The following TYW5 variants were observed in gnomAD, a reference collection of about 807,000 sequenced individuals.
TYW5 encodes tRNA wybutosine-synthesizing protein 5.
A neutral mutation model predicts 44.4 loss-of-function variants in TYW5; 36 were observed. That is an observed-to-expected ratio of 0.81 (90% confidence interval 0.62 to 1.07). The LOEUF is 1.07. TYW5 is among the 50% of genes least tolerant of loss of function. The pLI is 0.00. For missense variants in TYW5, 354 were observed against 365.7 expected, an observed-to-expected ratio of 0.97 and a Z score of 0.26; for synonymous variants, 121 against 128.1, an observed-to-expected ratio of 0.94 and a Z score of 0.37.
intron 1 of TYW5, among the ~76,000 whole-genome samples, chr2:199,951,465 TTTTA>T (rs1480800657): frequency 6.6e-6 from 1 of 152,222 alleles, no homozygotes; most frequent in Non-Finnish European, 1.5e-5. Context: ...TCCTTGTTGA[TTTTA>T]TTATTATGAC....
rs1004026253 is a variant in TYW5, at chr2:199,933,319, T to G, written c.696A>C (p.Leu232Phe). 2.5e-6 allele frequency: 4 copies of G among 1,594,212 alleles called. No individual in the cohort carries two copies. The highest frequency in any genetic ancestry group is 3.4e-6 in the Non-Finnish European group (4 of 1,172,982). The change falls in exon 8 of 8, where the codon TTA (leucine) becomes TTC (phenylalanine). Residue 232 changes from leucine (L) to phenylalanine (F), a missense_variant. Transcript: ENST00000354611. ...CTTCAGAAATTACATTATGGAACCA[T>G]AAAGCTGGAGAAAGTTTAAAAAACA... Reference protein sequence around the residue: ...EAGDVLFIPALWFHNVISEEF... With the variant: ...EAGDVLFIPAFWFHNVISEEF...
chr2:199,944,090 G>A lies in TYW5; in HGVS notation c.234-256C>T, dbSNP rs1407432194. On this transcript the variant is annotated intron_variant, in intron 2 of 7. Coordinates refer to ENST00000354611, the MANE Select transcript of TYW5 (RefSeq NM_001039693.3). ...TATGATACAGATGAATCTTTCAATA[G>A]ATCAATATTCTATTCCAAGTTATGA... The A allele has an allele frequency of 9.5e-6, 3 of 317,040 alleles. No homozygotes were observed. In the Admixed American group the frequency reaches 1.4e-4, roughly 15 times the overall value. The allele number at this position is 317,040 out of a possible 1,614,324, so 19.6% of individuals were successfully genotyped here. A position where few individuals can be genotyped will look rare whatever the true frequency, so the allele number is the denominator to read the frequency against.
intron 1 of TYW5, 197 bp downstream of exon 1, chr2:199,955,196 C>G (rs894156284): frequency 3.5e-6 from 2 of 568,566 alleles, no homozygotes; most frequent in Admixed American, 6.2e-5. Flanking sequence ...GGACTTTCTC[C>G]GGAAATTTCA....
intron 3 of TYW5, among the ~76,000 whole-genome samples, chr2:199,941,320 C>A (rs1235540917): frequency 6.6e-6 from 1 of 152,202 alleles, no homozygotes; most frequent in Admixed American, 6.5e-5. Flanking sequence ...GGATTATAAG[C>A]ATGAGCCACT....
At chr2:199,939,991 A>G (rs2077451398) in intron 4 of TYW5, 98 bp downstream of exon 4, 1 of 1,114,872 alleles carries the variant, frequency 9.0e-7, no homozygotes. Flanking sequence ...TAGAACAGGG[A>G]ATATGTCAGG....
chr2:199,945,858 G>A (rs142832489), intron 2 of TYW5: 1 of 152,346 alleles, frequency 6.6e-6, no homozygotes, highest in East Asian at 1.9e-4. Context: ...CTTCTACTAA[G>A]CCCAGATGGG....
chr2:199,955,292 C>G, intron 1 of TYW5, 101 bp downstream of exon 1: 1 of 1,378,474 alleles, frequency 7.3e-7, no homozygotes, highest in Non-Finnish European at 9.9e-7. Context: ...GCGCCTCTTT[C>G]CCACACCCTG....
At chr2:199,940,326 T>C (rs1446771474) in intron 3 of TYW5, among the ~76,000 whole-genome samples, 193 bp from the exon 4 acceptor site, 11 of 152,190 alleles carry the variant, frequency 7.2e-5, no homozygotes, top group African/African-American at 2.4e-4. Flanking sequence ...GAAACAAGTC[T>C]TAAAATCTGA....
chr2:199,934,585 CA>C (rs1185408196), intron 7 of TYW5, among the ~76,000 whole-genome samples: 1 of 151,874 alleles, frequency 6.6e-6, no homozygotes, highest in Non-Finnish European at 1.5e-5. Context: ...CAAAGATGAA[CA>C]AAACATAGTT....
Position 199,931,727 on chromosome 2 carries a change from C to T in TYW5, c.*1340G>A, listed in dbSNP as rs1336949379. 1.3e-5 allele frequency: 2 copies of T among 152,072 alleles called. No homozygotes were observed. The highest frequency in any genetic ancestry group is 2.9e-5 in the Non-Finnish European group (2 of 68,000). 9.4% of individuals were successfully genotyped at this position (152,072 alleles called of 1,614,324 possible). On this transcript the variant is annotated 3_prime_UTR_variant, in exon 8 of 8. Coordinates refer to ENST00000354611, the MANE Select transcript of TYW5 (RefSeq NM_001039693.3). ...AGGACATGAGTGGATGGATTCTCTT[C>T]AATAGAGAAAATGATTTTCTCTAAT...
rs1318978702 is a variant in TYW5, at chr2:199,929,675, TGAA to T, written c.*3389_*3391del. 6.6e-6 allele frequency among the ~76,000 whole-genome samples: 1 copy of T among 152,002 alleles called. No individual in the cohort carries two copies. Among genetic ancestry groups the T allele is most frequent in the East Asian group, 1.9e-4 (1 of 5,190 alleles). On this transcript the variant is annotated 3_prime_UTR_variant, in exon 8 of 8. Coordinates refer to ENST00000354611, the MANE Select transcript of TYW5 (RefSeq NM_001039693.3). The stretch of plus-strand genomic sequence containing the variant: ...TTCACATAGCTGCTGTTCAAAAGGA[TGAA>T]GGATACAAATTAAGTTTTGTTGACT...
intron 5 of TYW5, among the ~76,000 whole-genome samples, chr2:199,938,068 ATT>A (rs1255806141): frequency 3.5e-5 from 5 of 144,424 alleles, no homozygotes; most frequent in Admixed American, 7.0e-5. Flanking sequence ...ATCAAGATCA[ATT>A]TTTTTTTTTT....
rs2077367700 is a variant in TYW5, at chr2:199,930,480, C to CTAT, written c.*2584_*2586dup. 6.6e-6 allele frequency: 1 copy of CTAT among 152,112 alleles called. No homozygotes were observed. Among genetic ancestry groups the CTAT allele is most frequent in the African/African-American group, 2.4e-5 (1 of 41,424 alleles). The allele number at this position is 152,112 out of a possible 1,614,324, so 9.4% of individuals were successfully genotyped here. A position where few individuals can be genotyped will look rare whatever the true frequency, so the allele number is the denominator to read the frequency against. On this transcript the variant is annotated 3_prime_UTR_variant, in exon 8 of 8. Coordinates refer to ENST00000354611, the MANE Select transcript of TYW5 (RefSeq NM_001039693.3). ...GTTTTTCATGTAACATTTAATTTTTCTATTTTTAGTAGAGACGGGGTTTTA... is the reference window on the plus strand; with the variant it reads ...GTTTTTCATGTAACATTTAATTTTTCTATTATTTTTAGTAGAGACGGGGTTTTA...
At chr2:199,946,575 C>T (rs2077505680) in intron 2 of TYW5, 1 of 152,122 alleles carries the variant, frequency 6.6e-6, no homozygotes, top group Non-Finnish European at 1.5e-5. Flanking sequence ...ATGAGCACTA[C>T]CAATAAGAAA....
chr2:199,934,675 A>C (rs185209668), intron 7 of TYW5, among the ~76,000 whole-genome samples: 3 of 152,200 alleles, frequency 2.0e-5, no homozygotes, highest in East Asian at 1.9e-4. Context: ...TATTTTTATC[A>C]GTGAAAAGTA....
chr2:199,940,355 T>C (rs955515562), intron 3 of TYW5, among the ~76,000 whole-genome samples: 1 of 152,182 alleles, frequency 6.6e-6, no homozygotes, highest in Non-Finnish European at 1.5e-5. Context: ...AGTAGTTTTC[T>C]AAAAAGTTCA....
Position 199,929,455 on chromosome 2 carries a change from TGTTA to T in TYW5, c.*3608_*3611del, listed in dbSNP as rs1343742044. The stretch of plus-strand genomic sequence containing the variant: ...AGATGTGTGGGTGACTGCCAATCTA[TGTTA>T]GTTCCTCCTGACTACATCTATTTTT... On this transcript the variant is annotated 3_prime_UTR_variant, in exon 8 of 8. Coordinates refer to ENST00000354611, the MANE Select transcript of TYW5 (RefSeq NM_001039693.3). Among the ~76,000 whole-genome samples the T allele has an allele frequency of 6.6e-6, 1 of 152,080 alleles. No homozygotes were observed. Among genetic ancestry groups the T allele is most frequent in the African/African-American group, 2.4e-5 (1 of 41,416 alleles).
At chr2:199,954,348 G>A (rs1380342882) in intron 1 of TYW5, among the ~76,000 whole-genome samples, 1 of 151,626 alleles carries the variant, frequency 6.6e-6, no homozygotes, top group Non-Finnish European at 1.5e-5. Context: ...GTGATCCACC[G>A]ACCTGGGCCT....
At chr2:199,952,091 T>G (rs1185672292) in intron 1 of TYW5, among the ~76,000 whole-genome samples, 1 of 152,228 alleles carries the variant, frequency 6.6e-6, no homozygotes. Flanking sequence ...TATTCTTTTT[T>G]ACATCTTAGT....
Sources: allele counts gnomAD v4.1 joint callset (sites outside exome capture counted in the v4.1 genomes callset), GRCh38; gene constraint gnomAD v4.1.1; transcripts MANE v1.5; gene names NCBI Gene and HGNC (gene_info 2026-07-23, HGNC 2026-07-21).